The following RERE variants were observed in gnomAD, a reference collection of about 807,000 sequenced individuals.
RERE encodes the protein arginine-glutamic acid dipeptide repeats.
Under a neutral mutation model 146.1 loss-of-function variants are expected in RERE, and 40 were observed. The observed-to-expected ratio is 0.27, with a 90% CI of 0.21 to 0.36. RERE has a LOEUF of 0.36. Among genes scored for constraint, RERE ranks in the 10% least tolerant of loss-of-function variants. The pLI, the probability that RERE is intolerant of heterozygous loss-of-function variation, is 1.00. For missense variants in RERE, 1,933 were observed against 2,138.7 expected (o/e 0.90, Z 1.90); for synonymous variants, 1,003 against 866.0 (o/e 1.16, Z -2.78).
rs1184088968 is a variant in RERE, at chr1:8,497,543, A to G, written c.880-14T>C. The stretch of plus-strand genomic sequence containing the variant: ...TGGAAGTTTGGCCTGTAAGACAGGG[A>G]TGAGTAAGTCACAATCAAGGCATGT... On this transcript the variant is annotated splice_polypyrimidine_tract_variant and intron_variant, in intron 8 of 22. Coordinates refer to ENST00000400908, the MANE Select transcript of RERE (RefSeq NM_001042681.2). 6.2e-7 allele frequency: 1 copy of G among 1,613,916 alleles called. No homozygotes were observed. Among genetic ancestry groups the G allele is most frequent in the Non-Finnish European group, 8.5e-7 (1 of 1,179,802 alleles).
intron 1 of RERE, among the ~76,000 whole-genome samples, chr1:8,730,933 C>T (rs1318114744): frequency 5.3e-5 from 8 of 152,124 alleles, no homozygotes; most frequent in Non-Finnish European, 1.0e-4. Context: ...GTCATCATTC[C>T]CATCCTCACA....
intron 2 of RERE, among the ~76,000 whole-genome samples, chr1:8,642,628 T>TC (rs1451644834): frequency 1.3e-5 from 2 of 152,200 alleles, no homozygotes; most frequent in Non-Finnish European, 2.9e-5. Flanking sequence ...TAATTCAAAA[T>TC]CCCTTAAAAG....
Position 8,620,219 on chromosome 1 carries a change from G to C in RERE, c.396+4091C>G, listed in dbSNP as rs569206359. On this transcript the variant is annotated intron_variant, in intron 3 of 22. Coordinates refer to ENST00000400908, the MANE Select transcript of RERE (RefSeq NM_001042681.2). Reference sequence around the variant, plus strand: ...AATTCATGAAGAGCCACTCAAGCTAGCCAGGTGAGAGCTCTTTACTCAGAG... The same window carrying C: ...AATTCATGAAGAGCCACTCAAGCTACCCAGGTGAGAGCTCTTTACTCAGAG... Among the ~76,000 whole-genome samples the C allele has an allele frequency of 3.9e-5, 6 of 152,270 alleles. No homozygotes were observed. In the South Asian group the frequency reaches 1.2e-3, roughly 32 times the overall value.
chr1:8,526,075 A>G, intron 7 of RERE: 2 of 1,163,354 alleles, frequency 1.7e-6, no homozygotes, highest in Non-Finnish European at 2.1e-6. Flanking sequence ...AGCCCAGCCA[A>G]CAGACTCTGC....
Position 8,358,916 on chromosome 1 carries a change from T to C in RERE, c.3619A>G (p.Lys1207Glu). Reference sequence around the variant, plus strand: ...CCTTCATGCGCTGAGCTGGACGCCTTCTGCAGAAGGAAAAGAAAGCGTGAG... The same window carrying C: ...CCTTCATGCGCTGAGCTGGACGCCTCCTGCAGAAGGAAAAGAAAGCGTGAG... ...EREREAERAAKASSSAHEGRL... is the reference protein window; with the variant it reads ...EREREAERAAEASSSAHEGRL... The change falls in exon 20 of 23, where the codon AAG (lysine) becomes GAG (glutamate). Residue 1207 changes from lysine to glutamate, a missense_variant and splice_region_variant. Physicochemically the swap from Lys to Glu is moderately conservative, Grantham distance 56. Coordinates refer to ENST00000400908, the MANE Select transcript of RERE (RefSeq NM_001042681.2). 6.6e-7 allele frequency: 1 copy of C among 1,517,896 alleles called. No individual in the cohort carries two copies. Among genetic ancestry groups the C allele is most frequent in the Non-Finnish European group, 8.8e-7 (1 of 1,136,126 alleles). The allele number at this position is 1,517,896 out of a possible 1,614,324, so 94.0% of individuals were successfully genotyped here.
In RERE at chr1:8,497,539, A is replaced by C. The variant is rs1043652101; in HGVS notation, c.880-10T>G. On this transcript the variant is annotated splice_polypyrimidine_tract_variant and intron_variant, in intron 8 of 22. Coordinates refer to ENST00000400908, the MANE Select transcript of RERE (RefSeq NM_001042681.2). ...GATCTGGAAGTTTGGCCTGTAAGAC[A>C]GGGATGAGTAAGTCACAATCAAGGC... 1 of 1,613,906 alleles carries C rather than the reference A, an allele frequency of 6.2e-7. No individual in the cohort carries two copies. Among genetic ancestry groups the C allele is most frequent in the African/African-American group, 1.3e-5 (1 of 74,950 alleles).
At chr1:8,384,350 G>A (rs1051090728) in intron 12 of RERE, among the ~76,000 whole-genome samples, 1 of 152,092 alleles carries the variant, frequency 6.6e-6, no homozygotes, top group African/African-American at 2.4e-5. Context: ...CCTCTGTAGG[G>A]GTAAAGAGAT....
At chr1:8,805,225 T>C (rs1349719130) in intron 1 of RERE, among the ~76,000 whole-genome samples, 3 of 152,088 alleles carry the variant, frequency 2.0e-5, no homozygotes, top group Admixed American at 6.6e-5. Flanking sequence ...TAAACTCATT[T>C]TGGGGGGCCA....
chr1:8,574,502 G>A (rs1646265771), intron 4 of RERE, among the ~76,000 whole-genome samples: 1 of 151,582 alleles, frequency 6.6e-6, no homozygotes, highest in African/African-American at 2.4e-5. Context: ...CCGCCACCAC[G>A]CCCGGCTAAT....
intron 1 of RERE, among the ~76,000 whole-genome samples, chr1:8,774,951 C>CTTTCT (rs1641034952): frequency 6.3e-4 from 30 of 47,978 alleles, no homozygotes; most frequent in African/African-American, 2.1e-3. Flanking sequence ...TTCTTTCTTT[C>CTTTCT]TTTTTTTTTT....
At chr1:8,467,368 T>C (rs1405918400) in intron 10 of RERE, among the ~76,000 whole-genome samples, 1 of 152,176 alleles carries the variant, frequency 6.6e-6, no homozygotes, top group Non-Finnish European at 1.5e-5. Flanking sequence ...ATCAAGTAGG[T>C]TGTAATAATT....
intron 1 of RERE, among the ~76,000 whole-genome samples, chr1:8,800,258 C>CAAAAA (rs34669744): frequency 7.0e-6 from 1 of 143,870 alleles, no homozygotes. Context: ...GACTCTACGT[C>CAAAAA]AAAAAAAAAA....
At chr1:8,647,272 T>G (rs1240634526) in intron 2 of RERE, among the ~76,000 whole-genome samples, 1 of 152,152 alleles carries the variant, frequency 6.6e-6, no homozygotes, top group Non-Finnish European at 1.5e-5. Context: ...TAAATAACAT[T>G]AAAGATGATT....
intron 1 of RERE, among the ~76,000 whole-genome samples, chr1:8,692,688 C>T (rs1333269315): frequency 1.3e-5 from 2 of 151,952 alleles, no homozygotes; most frequent in Non-Finnish European, 2.9e-5. Context: ...ACGTATAATA[C>T]CTAATATAAT....
chr1:8,661,386 G>T (rs926816777), intron 1 of RERE, among the ~76,000 whole-genome samples: 1 of 152,170 alleles, frequency 6.6e-6, no homozygotes, highest in Non-Finnish European at 1.5e-5. Context: ...CCAGGGAAAG[G>T]ACTCTGGCTT....
intron 4 of RERE, among the ~76,000 whole-genome samples, chr1:8,610,539 G>C (rs994923696): frequency 2.0e-5 from 3 of 151,920 alleles, no homozygotes; most frequent in Non-Finnish European, 4.4e-5. Flanking sequence ...AATGAGCCAA[G>C]ACCGCACCAT....
chr1:8,799,090 T>C (rs1569822638), intron 1 of RERE, among the ~76,000 whole-genome samples: 1 of 151,710 alleles, frequency 6.6e-6, no homozygotes, highest in Non-Finnish European at 1.5e-5. Context: ...GCCTCCCGGG[T>C]TCAAGCTATT....
At chr1:8,804,679 A>G (rs904853026) in intron 1 of RERE, among the ~76,000 whole-genome samples, 17 of 152,350 alleles carry the variant, frequency 1.1e-4, no homozygotes, top group Admixed American at 1.1e-3. Flanking sequence ...GAGTGTGCCC[A>G]GCTTTTGCCT....
At chr1:8,680,890 G>A (rs186001191) in intron 1 of RERE, among the ~76,000 whole-genome samples, 1 of 152,262 alleles carries the variant, frequency 6.6e-6, no homozygotes, top group East Asian at 1.9e-4. Flanking sequence ...ACAAAGGACT[G>A]AGACAACTGC....
Sources: gnomAD v4.1 joint callset for allele counts (sites outside exome capture counted in the v4.1 genomes callset) on GRCh38, gnomAD v4.1.1 for gene constraint, MANE v1.5 for transcripts, NCBI Gene and HGNC (gene_info 2026-07-23, HGNC 2026-07-21) for gene names.